Variants in TMEM26 observed in about 807,000 individuals in gnomAD.
The protein encoded by TMEM26 is transmembrane protein 26.
A neutral mutation model predicts 28.8 loss-of-function variants in TMEM26; 38 were observed. The ratio of observed to expected loss-of-function variants is 1.32; its 90% CI spans 1.02 to 1.73. TMEM26 has a LOEUF of 1.73. Among genes scored for constraint, TMEM26 ranks in the 40% most tolerant of loss-of-function variants. The pLI, the probability that TMEM26 is intolerant of heterozygous loss-of-function variation, is 0.00. For synonymous variants in TMEM26, 227 were observed against 182.9 expected (o/e 1.24, Z -1.95); for missense variants, 518 against 447.1 (o/e 1.16, Z -1.43).
intron 1 of TMEM26, among the ~76,000 whole-genome samples, chr10:61,448,242 C>A (rs1251525291): frequency 6.6e-6 from 1 of 152,250 alleles, no homozygotes; most frequent in African/African-American, 2.4e-5. Context: ...TGTGACAGCT[C>A]AAATGCTGTC....
At position 61,410,528 on chromosome 10, in the gene TMEM26, G is replaced by T. The variant is rs1348590552; in HGVS notation, c.901C>A (p.Leu301Ile). ...AKNFLVVVLQ[L>I]YRLVVLALAV... ...AATGCCAGCACCACCAAGCGGTAGA[G>T]TTGCAACACCACCACGAGGAAGTTC... is the stretch of plus-strand genomic sequence containing the variant. Residue 301 changes from leucine (L) to isoleucine (I), a missense_variant, in exon 6 of 6, where the codon CTC becomes ATC. Transcript: ENST00000399298. The T allele has an allele frequency of 6.2e-7, 1 of 1,613,990 alleles. No individual in the cohort carries two copies. Among genetic ancestry groups the T allele is most frequent in the Non-Finnish European group, 8.5e-7 (1 of 1,180,036 alleles).
chr10:61,424,962 G>A (rs1839806453), intron 4 of TMEM26, among the ~76,000 whole-genome samples: 1 of 152,114 alleles, frequency 6.6e-6, no homozygotes, highest in Non-Finnish European at 1.5e-5. Flanking sequence ...ATAAATGTAA[G>A]AACTAAAACA....
intron 4 of TMEM26, among the ~76,000 whole-genome samples, chr10:61,427,904 C>T (rs986737329): frequency 3.9e-5 from 6 of 151,946 alleles, no homozygotes; most frequent in Non-Finnish European, 7.4e-5. Context: ...ATTAAAACTA[C>T]GGAACTAAAA....
chr10:61,417,543 C>T (rs949973634), intron 4 of TMEM26, among the ~76,000 whole-genome samples: 4 of 150,790 alleles, frequency 2.7e-5, no homozygotes, highest in Admixed American at 2.7e-4. Context: ...AAGTATTAAC[C>T]TATCCTGGAA....
chr10:61,444,913 G>T (rs1041809604), intron 1 of TMEM26, among the ~76,000 whole-genome samples: 6 of 152,104 alleles, frequency 3.9e-5, no homozygotes, highest in Non-Finnish European at 7.4e-5. Flanking sequence ...TGTGAGGATT[G>T]AATGAGCTGA....
At chr10:61,412,681 T>A (rs571947116) in intron 5 of TMEM26, among the ~76,000 whole-genome samples, 1 of 152,304 alleles carries the variant, frequency 6.6e-6, no homozygotes, top group Non-Finnish European at 1.5e-5. Context: ...GTGTTCCATA[T>A]TACTGCTGTC....
At chr10:61,442,284 C>G (rs16916141) in intron 1 of TMEM26, among the ~76,000 whole-genome samples, 6,299 of 152,092 alleles carry the variant, frequency 0.041, 167 homozygotes, top group African/African-American at 0.061. Flanking sequence ...CACCATTAGT[C>G]TAGAATTAGG....
At chr10:61,422,452 A>G (rs1235879067) in intron 4 of TMEM26, among the ~76,000 whole-genome samples, 1 of 152,152 alleles carries the variant, frequency 6.6e-6, no homozygotes, top group African/African-American at 2.4e-5. Flanking sequence ...AATTTAAAGT[A>G]GATCCTCAGA....
intron 4 of TMEM26, among the ~76,000 whole-genome samples, chr10:61,417,923 A>G (rs1456270987): frequency 6.6e-6 from 1 of 152,054 alleles, no homozygotes; most frequent in Non-Finnish European, 1.5e-5. Flanking sequence ...TGTCAAAAAC[A>G]ACGATCAGGG....
chr10:61,413,525 C>G lies in TMEM26; in HGVS notation c.616G>C (p.Ala206Pro). ...ATAACAAGGATGGCATAGACTAGTG[C>G]AGGACTATTCCTAGAATACAGACAA... is the stretch of plus-strand genomic sequence containing the variant. ...LEEQNVRNSP[A>P]LVYAILVIWT... The change falls in exon 5 of 6, where the codon GCA (alanine) becomes CCA (proline). Residue 206 changes from alanine (A) to proline (P), a missense_variant. Coordinates refer to ENST00000399298, the MANE Select transcript of TMEM26 (RefSeq NM_178505.8). The G allele has an allele frequency of 1.2e-6, 2 of 1,606,078 alleles. No homozygotes were observed. Among genetic ancestry groups the G allele is most frequent in the Non-Finnish European group, 1.7e-6 (2 of 1,177,168 alleles).
At position 61,409,777 on chromosome 10, in the gene TMEM26, G is replaced by A. The variant is rs561558863; in HGVS notation, c.*545C>T. The A allele has an allele frequency of 6.5e-6, 1 of 153,926 alleles. No individual in the cohort carries two copies. Among genetic ancestry groups the A allele is most frequent in the East Asian group, 1.9e-4 (1 of 5,198 alleles). 9.5% of individuals were successfully genotyped at this position (153,926 alleles called of 1,614,324 possible). ...ATTTTCCTGGGAAGGCCTGGGCAGCGATGAATAGGGCTCTCTATGATACGG... is the reference window on the plus strand; with the variant it reads ...ATTTTCCTGGGAAGGCCTGGGCAGCAATGAATAGGGCTCTCTATGATACGG... On this transcript the variant is annotated 3_prime_UTR_variant, in exon 6 of 6. Transcript: ENST00000399298.
At chr10:61,440,778 G>A (rs779485082) in intron 1 of TMEM26, among the ~76,000 whole-genome samples, 1 of 152,118 alleles carries the variant, frequency 6.6e-6, no homozygotes, top group African/African-American at 2.4e-5. Context: ...TTGACTCCAA[G>A]CAATTCTAAA....
chr10:61,434,114 T>C (rs1413368837), intron 2 of TMEM26, among the ~76,000 whole-genome samples: 1 of 152,160 alleles, frequency 6.6e-6, no homozygotes, highest in Non-Finnish European at 1.5e-5. Flanking sequence ...TATTCTGCCA[T>C]TTCTTCTTTA....
chr10:61,453,358 T>A lies in TMEM26; in HGVS notation c.-277A>T, dbSNP rs1457856498. ...GAGTCTGGGGCTGCGCTGCCCTGTC[T>A]CCAGGGCGTTATTCTCCAGCGCTGC... is the stretch of plus-strand genomic sequence containing the variant. On this transcript the variant is annotated 5_prime_UTR_variant, in exon 1 of 6. Coordinates refer to ENST00000399298, the MANE Select transcript of TMEM26 (RefSeq NM_178505.8). The A allele has an allele frequency of 5.5e-6, 2 of 363,258 alleles. No individual in the cohort carries two copies. Among genetic ancestry groups the A allele is most frequent in the African/African-American group, 2.0e-5 (1 of 49,294 alleles). The allele number at this position is 363,258 out of a possible 1,614,324, so 22.5% of individuals were successfully genotyped here.
chr10:61,431,228 G>A lies in TMEM26; in HGVS notation c.375C>T (p.Leu125=), dbSNP rs1454385666. 6.2e-7 allele frequency: 1 copy of A among 1,612,230 alleles called. No homozygotes were observed. The highest frequency in any genetic ancestry group is 1.1e-5 in the South Asian group (1 of 91,004). The change falls in exon 3 of 6, where the codon CTC becomes CTT. Residue 125 remains leucine (L), a synonymous_variant. Transcript: ENST00000399298. ...SNEQTSRADD[L]IETAKVFVNN... ...GTGGAAAAGCTCTCACCGTCTCAAT[G>A]AGATCATCAGCTCTACTGGTTTGTT...
chr10:61,436,204 G>T lies in TMEM26; in HGVS notation c.236C>A (p.Ser79Ter). 6.2e-7 allele frequency: 1 copy of T among 1,610,004 alleles called. No individual in the cohort carries two copies. The highest frequency in any genetic ancestry group is 8.5e-7 in the Non-Finnish European group (1 of 1,177,828). ...IFLYLISIVP[S>*]LWLLELHHET... ...ATGGTGCAATTCAAGAAGCCATAAT[G>T]ATGGAACGATGCTAATCAGATATAA... Residue 79 changes from serine (S) to a stop codon, truncating the protein, a stop_gained, in exon 2 of 6, where the codon TCA becomes TAA. Coordinates refer to ENST00000399298, the MANE Select transcript of TMEM26 (RefSeq NM_178505.8). LOFTEE classifies it high-confidence loss of function.
chr10:61,412,821 C>T, intron 5 of TMEM26: 1 of 493,286 alleles, frequency 2.0e-6, no homozygotes, highest in Non-Finnish European at 3.2e-6. Flanking sequence ...GGTGGGTCCC[C>T]TGTTGAACAA....
rs191729097 is a variant in TMEM26 at position 61,419,992 on chromosome 10, G to T, written c.606-6457C>A. On this transcript the variant is annotated intron_variant, in intron 4 of 5. Transcript: ENST00000399298. Reference sequence around the variant, plus strand: ...CAGTTGACCTTCCAGCAAAGTGGGGGTTAGTTAAGGGAACTGACCTCCCCA... The same window carrying T: ...CAGTTGACCTTCCAGCAAAGTGGGGTTTAGTTAAGGGAACTGACCTCCCCA... Among the ~76,000 whole-genome samples the T allele has an allele frequency of 2.1e-4, 32 of 152,176 alleles. No homozygotes were observed. The East Asian group carries it at 3.9e-3, about 18-fold the overall frequency.
At chr10:61,436,119 A>G in intron 2 of TMEM26, 51 bp downstream of exon 2, 1 of 1,183,742 alleles carries the variant, frequency 8.4e-7, no homozygotes, top group Non-Finnish European at 1.2e-6. Context: ...TCATACTGTG[A>G]AAGTAGCTTA....
Sources: gnomAD v4.1 joint callset for allele counts (sites outside exome capture counted in the v4.1 genomes callset) on GRCh38, gnomAD v4.1.1 for gene constraint, MANE v1.5 for transcripts, NCBI Gene and HGNC (gene_info 2026-07-23, HGNC 2026-07-21) for gene names.